ARB2A: variants seen among roughly 807,000 people sequenced by gnomAD.
ARB2A encodes cotranscriptional regulator ARB2A.
At chr5:93,975,133 T>C in the ARB2A span, among the ~76,000 whole-genome samples, 2 of 151,560 alleles carry the variant, frequency 1.3e-5, no homozygotes, top group Non-Finnish European at 2.9e-5. Context: ...GCTAACATGG[T>C]GAAACTCTGT....
At chr5:93,758,130 A>T in the ARB2A span, among the ~76,000 whole-genome samples, 1 of 152,220 alleles carries the variant, frequency 6.6e-6, no homozygotes, top group African/African-American at 2.4e-5. Context: ...TTAAAGCAAC[A>T]GCAGTTAAAA....
At chr5:93,890,211 T>G in the ARB2A span, among the ~76,000 whole-genome samples, 2 of 151,952 alleles carry the variant, frequency 1.3e-5, no homozygotes, top group African/African-American at 4.8e-5. Flanking sequence ...ATAGAAATAT[T>G]TTTAGTTTAA....
chr5:93,878,909 A>G, the ARB2A span, among the ~76,000 whole-genome samples: 116 of 152,160 alleles, frequency 7.6e-4, no homozygotes, highest in East Asian at 0.017. Context: ...TTTATTATCT[A>G]CCATTTACTA....
chr5:93,794,957 AG>A, the ARB2A span, among the ~76,000 whole-genome samples: 4 of 152,166 alleles, frequency 2.6e-5, no homozygotes, highest in Admixed American at 2.6e-4. Context: ...AACTTGTCCT[AG>A]GGACACCTGG....
At chr5:93,725,228 G>A in the ARB2A span, among the ~76,000 whole-genome samples, 1 of 152,148 alleles carries the variant, frequency 6.6e-6, no homozygotes, top group South Asian at 2.1e-4. Context: ...ATAAAGCACT[G>A]AAAGAACATT....
chr5:93,954,132 T>C, the ARB2A span, among the ~76,000 whole-genome samples: 1 of 152,160 alleles, frequency 6.6e-6, no homozygotes, highest in African/African-American at 2.4e-5. Context: ...ATGGCCGAGC[T>C]GGTACCTAAG....
chr5:93,949,358 C>T, the ARB2A span, among the ~76,000 whole-genome samples: 3 of 151,872 alleles, frequency 2.0e-5, no homozygotes, highest in Admixed American at 1.3e-4. Flanking sequence ...GTCAAGAGAT[C>T]AAGACCATCC....
At chr5:93,885,082 G>A in the ARB2A span, among the ~76,000 whole-genome samples, 1 of 151,508 alleles carries the variant, frequency 6.6e-6, no homozygotes, top group Non-Finnish European at 1.5e-5. Context: ...AAATTTTACT[G>A]TTTTAAATTG....
chr5:94,075,559 AACT>A, the ARB2A span, among the ~76,000 whole-genome samples: 1 of 152,154 alleles, frequency 6.6e-6, no homozygotes, highest in East Asian at 1.9e-4. Flanking sequence ...TGAAAATTTA[AACT>A]ACATTTAATC....
At chr5:93,801,763 C>A in the ARB2A span, among the ~76,000 whole-genome samples, 1 of 152,020 alleles carries the variant, frequency 6.6e-6, no homozygotes, top group Non-Finnish European at 1.5e-5. Flanking sequence ...GCAGGCCATG[C>A]ATGAAGCGGG....
chr5:93,714,173 A>G, the ARB2A span, among the ~76,000 whole-genome samples: 1 of 152,250 alleles, frequency 6.6e-6, no homozygotes, highest in Non-Finnish European at 1.5e-5. Flanking sequence ...ATTACAAAAC[A>G]GAAATACAAT....
chr5:93,961,928 T>G, the ARB2A span, among the ~76,000 whole-genome samples: 2 of 152,184 alleles, frequency 1.3e-5, no homozygotes, highest in African/African-American at 4.8e-5. Context: ...TTGGCTAATA[T>G]TCACCTCAGT....
At chr5:93,759,627 C>T in the ARB2A span, among the ~76,000 whole-genome samples, 4 of 152,068 alleles carry the variant, frequency 2.6e-5, no homozygotes, top group Non-Finnish European at 4.4e-5. Context: ...ACCACATAAA[C>T]AGAATTAAAA....
At chr5:94,016,313 TTAAC>T in the ARB2A span, among the ~76,000 whole-genome samples, 2 of 152,234 alleles carry the variant, frequency 1.3e-5, no homozygotes, top group Non-Finnish European at 2.9e-5. Flanking sequence ...ATTGGCTTCC[TTAAC>T]TAAAGTATTA....
At chr5:93,914,372 A>G in the ARB2A span, among the ~76,000 whole-genome samples, 2 of 151,992 alleles carry the variant, frequency 1.3e-5, no homozygotes, top group African/African-American at 4.8e-5. Context: ...AACAATGTTG[A>G]AAGTGTCAGT....
the ARB2A span, among the ~76,000 whole-genome samples, chr5:93,986,624 A>G: frequency 5.3e-5 from 8 of 152,204 alleles, no homozygotes; most frequent in African/African-American, 1.7e-4. Flanking sequence ...TACTGTGTCT[A>G]TGTAGAAAGA....
chr5:93,884,000 GA>G, the ARB2A span, among the ~76,000 whole-genome samples: 339 of 148,404 alleles, frequency 2.3e-3, 2 homozygotes, highest in African/African-American at 7.5e-3. Flanking sequence ...AAATTAGCAA[GA>G]CCAAAATAGA....
At chr5:93,965,145 G>A in the ARB2A span, among the ~76,000 whole-genome samples, 20 of 152,108 alleles carry the variant, frequency 1.3e-4, no homozygotes, top group South Asian at 4.2e-3. Flanking sequence ...AGATTTTCTA[G>A]GATTATCTGG....
At chr5:93,693,036 G>A in the ARB2A span, among the ~76,000 whole-genome samples, 2 of 152,156 alleles carry the variant, frequency 1.3e-5, no homozygotes, top group Non-Finnish European at 2.9e-5. Flanking sequence ...CAGAATCTCT[G>A]GGACACAGTG....
Sources: gnomAD v4.1 joint callset for allele counts (sites outside exome capture counted in the v4.1 genomes callset) on GRCh38, gnomAD v4.1.1 for gene constraint, MANE v1.5 for transcripts, NCBI Gene and HGNC (gene_info 2026-07-23, HGNC 2026-07-21) for gene names.